ELMO1: variants seen among roughly 807,000 people sequenced by gnomAD.
ELMO1 encodes engulfment and cell motility 1.
ELMO1 carries 26 observed loss-of-function variants against 98.9 expected under a neutral mutation model. That is an observed-to-expected ratio of 0.26 (90% CI 0.19 to 0.36). The LOEUF (loss-of-function observed/expected upper bound fraction) is 0.36, where lower values mean the gene tolerates loss of function less well. Ranked by LOEUF, ELMO1 falls within the 10% of genes least tolerant of loss-of-function variation. The pLI, the probability that ELMO1 is intolerant of heterozygous loss-of-function variation, is 1.00. For synonymous variants in ELMO1, 346 were observed against 346.0 expected (o/e 1.00, Z 0.00); for missense variants, 627 against 935.2 (o/e 0.67, Z 4.30).
intron 15 of ELMO1, among the ~76,000 whole-genome samples, chr7:37,039,389 T>C (rs1438177523): frequency 6.6e-6 from 1 of 152,178 alleles, no homozygotes; most frequent in East Asian, 1.9e-4. Context: ...AAGGGCAGGT[T>C]CTCTTCTAGC....
At chr7:37,383,350 G>A (rs778208472) in intron 1 of ELMO1, among the ~76,000 whole-genome samples, 9 of 152,040 alleles carry the variant, frequency 5.9e-5, no homozygotes, top group East Asian at 1.9e-4. Flanking sequence ...CTAACATCTC[G>A]CCTCACAGTG....
intron 13 of ELMO1, among the ~76,000 whole-genome samples, chr7:37,182,930 C>T (rs1790974110): frequency 6.6e-6 from 1 of 152,170 alleles, no homozygotes. Context: ...TCCCTCTAGG[C>T]TGGCACTCCA....
rs71769331 is a variant in ELMO1, at chr7:36,860,989, AAC to A, written c.1983+668_1983+669del. On this transcript the variant is annotated intron_variant, in intron 21 of 21. Coordinates refer to ENST00000310758, the MANE Select transcript of ELMO1 (RefSeq NM_014800.11). ...AAGCTGTTTATGCAACCACACGCAA[AAC>A]AAAAATTTGAATGGTATCATCTAAA... 9.1e-3 allele frequency among the ~76,000 whole-genome samples: 1,388 copies of A among 152,356 alleles called. 21 individuals carry two copies. Among genetic ancestry groups the A allele is most frequent in the African/African-American group, 0.031 (1,304 of 41,586 alleles).
intron 2 of ELMO1, among the ~76,000 whole-genome samples, chr7:37,321,737 A>AAAAAAAAAAAAAAC (rs1562612115): frequency 7.0e-6 from 1 of 143,212 alleles, no homozygotes; most frequent in Non-Finnish European, 1.5e-5. Flanking sequence ...AAAAAAAAAA[A>AAAAAAAAAAAAAAC]ACACAGAAAA....
intron 13 of ELMO1, among the ~76,000 whole-genome samples, chr7:37,164,076 C>A (rs548247332): frequency 6.4e-4 from 97 of 152,286 alleles, no homozygotes; most frequent in African/African-American, 2.1e-3. Context: ...ATTTGCATTT[C>A]TCTGATGGCC....
chr7:36,911,021 G>A (rs1278007186), intron 16 of ELMO1, among the ~76,000 whole-genome samples: 2 of 152,172 alleles, frequency 1.3e-5, no homozygotes, highest in Non-Finnish European at 2.9e-5. Context: ...GGAAATCGAT[G>A]TTGCTACTGT....
intron 16 of ELMO1, among the ~76,000 whole-genome samples, chr7:36,959,038 G>A (rs1307615546): frequency 4.0e-5 from 6 of 151,806 alleles, no homozygotes; most frequent in Admixed American, 6.6e-5. Flanking sequence ...CTGAATCTAC[G>A]TTCCCCATCT....
intron 14 of ELMO1, among the ~76,000 whole-genome samples, chr7:37,102,509 G>C (rs1584646120): frequency 6.6e-6 from 1 of 152,326 alleles, no homozygotes; most frequent in East Asian, 1.9e-4. Context: ...TAGAAAGGAA[G>C]TGAGACCTGG....
chr7:37,392,783 A>G (rs527828786), intron 1 of ELMO1, among the ~76,000 whole-genome samples: 24 of 152,354 alleles, frequency 1.6e-4, no homozygotes, highest in African/African-American at 5.3e-4. Flanking sequence ...TGCTAGTCTG[A>G]GTACCAGTGG....
chr7:37,311,596 G>A (rs1798891835), intron 4 of ELMO1, among the ~76,000 whole-genome samples: 1 of 152,160 alleles, frequency 6.6e-6, no homozygotes, highest in Non-Finnish European at 1.5e-5. Flanking sequence ...GGACAAAGCA[G>A]CAAACTGAAG....
chr7:37,223,160 C>CATAAAA (rs1793690940), intron 9 of ELMO1, among the ~76,000 whole-genome samples: 1 of 152,078 alleles, frequency 6.6e-6, no homozygotes, highest in South Asian at 2.1e-4. Flanking sequence ...AATCTATTTC[C>CATAAAA]AAATATAAAC....
chr7:36,932,951 G>A (rs1248052338), intron 16 of ELMO1, among the ~76,000 whole-genome samples: 2 of 152,246 alleles, frequency 1.3e-5, no homozygotes, highest in African/African-American at 4.8e-5. Context: ...GTGGGCGGAT[G>A]CCTTCCCAGG....
intron 2 of ELMO1, among the ~76,000 whole-genome samples, chr7:37,324,413 AGGCTG>A (rs1799687197): frequency 6.6e-6 from 1 of 150,782 alleles, no homozygotes; most frequent in Non-Finnish European, 1.5e-5. Context: ...CAGAAAAAAA[AGGCTG>A]CTTCCATCAA....
chr7:37,018,222 G>T (rs1414849840), intron 15 of ELMO1, among the ~76,000 whole-genome samples: 1 of 151,792 alleles, frequency 6.6e-6, no homozygotes, highest in Non-Finnish European at 1.5e-5. Flanking sequence ...CGCCTCCTGG[G>T]TTCAAGAGAT....
At chr7:37,138,145 G>A (rs1333275893) in intron 13 of ELMO1, among the ~76,000 whole-genome samples, 3 of 151,872 alleles carry the variant, frequency 2.0e-5, no homozygotes, top group Non-Finnish European at 4.4e-5. Flanking sequence ...GCACAAACAT[G>A]GACCTGGAGA....
intron 11 of ELMO1, among the ~76,000 whole-genome samples, chr7:37,215,355 A>G (rs375954002): frequency 2.0e-5 from 3 of 152,072 alleles, no homozygotes; most frequent in African/African-American, 7.2e-5. Context: ...GAGGGGGGAT[A>G]GTGTGTGTGT....
rs186632512 is a variant in ELMO1, at chr7:37,362,382, T to A, written c.-73-19619A>T. ...TATAATATGACAGGGCCACCCACTG[T>A]CCCCCAGTGGACATCTGGCATGGGT... On this transcript the variant is annotated intron_variant, in intron 1 of 21. Coordinates refer to ENST00000310758, the MANE Select transcript of ELMO1 (RefSeq NM_014800.11). Among the ~76,000 whole-genome samples, 51 of 152,174 alleles carry A rather than the reference T, an allele frequency of 3.4e-4. 1 individual carries two copies. The highest frequency in any genetic ancestry group is 1.2e-3 in the African/African-American group (48 of 41,520).
chr7:36,860,321 C>T (rs1288068717), intron 21 of ELMO1, among the ~76,000 whole-genome samples: 1 of 152,152 alleles, frequency 6.6e-6, no homozygotes, highest in African/African-American at 2.4e-5. Context: ...TTGAGGTATT[C>T]AGTTCTGGGA....
intron 7 of ELMO1, among the ~76,000 whole-genome samples, chr7:37,239,912 CT>C (rs575471455): frequency 1.3e-5 from 2 of 152,190 alleles, no homozygotes; most frequent in Non-Finnish European, 2.9e-5. Flanking sequence ...TAACTGCACT[CT>C]TCTTGGCTGA....
Sources: gnomAD v4.1 joint callset for allele counts (sites outside exome capture counted in the v4.1 genomes callset) on GRCh38, gnomAD v4.1.1 for gene constraint, MANE v1.5 for transcripts, NCBI Gene and HGNC (gene_info 2026-07-23, HGNC 2026-07-21) for gene names.